The following SMCHD1 variants were observed in gnomAD, a reference collection of about 807,000 sequenced individuals.
The protein encoded by SMCHD1 is structural maintenance of chromosomes flexible hinge domain containing 1.
In SMCHD1, 78 loss-of-function variants were observed where a neutral mutation model predicts 254.7. The ratio of observed to expected loss-of-function variants is 0.31; its 90% CI spans 0.26 to 0.37. The LOEUF (loss-of-function observed/expected upper bound fraction) is 0.37. SMCHD1 is among the 10% of genes least tolerant of loss of function. The pLI is 1.00. For missense variants in SMCHD1, 1,840 were observed against 2,408.1 expected (o/e 0.76, Z 4.94); for synonymous variants, 766 against 794.9 (o/e 0.96, Z 0.61).
At chr18:2,684,979 T>G (rs1297551174) in intron 5 of SMCHD1, among the ~76,000 whole-genome samples, 1 of 152,108 alleles carries the variant, frequency 6.6e-6, no homozygotes, top group Non-Finnish European at 1.5e-5. Context: ...CTTTAAATAT[T>G]CATTTGCCTC....
Position 2,782,726 on chromosome 18 carries a change from C to A in SMCHD1, c.5548-1724C>A, listed in dbSNP as rs1039059240. ...TGCCACTGCACTCCAGCCTGGGCAACAGAGCGAGACCACAACTCAAAAAAA... is the reference window on the plus strand; with the variant it reads ...TGCCACTGCACTCCAGCCTGGGCAAAAGAGCGAGACCACAACTCAAAAAAA... On this transcript the variant is annotated intron_variant, in intron 44 of 47. Transcript: ENST00000320876. Among the ~76,000 whole-genome samples, 323 of 103,802 alleles carry A rather than the reference C, an allele frequency of 3.1e-3. 3 individuals carry two copies. Among genetic ancestry groups the A allele is most frequent in the African/African-American group, 0.012 (313 of 26,052 alleles). 68.1% of individuals were successfully genotyped at this position (103,802 alleles called of 152,430 possible).
chr18:2,732,533 T>A, intron 25 of SMCHD1, 41 bp downstream of exon 25: 1 of 1,331,402 alleles, frequency 7.5e-7, no homozygotes, highest in Non-Finnish European at 1.0e-6. Flanking sequence ...AAGAACTTTT[T>A]AAATTTTATG....
At position 2,707,862 on chromosome 18, in the gene SMCHD1, A is replaced by C; in HGVS notation, c.2202A>C (p.Pro734=). 1.2e-6 allele frequency: 2 copies of C among 1,609,856 alleles called. No homozygotes were observed. The highest frequency in any genetic ancestry group is 1.7e-6 in the Non-Finnish European group (2 of 1,178,116). Residue 734 remains proline, a synonymous_variant, in exon 17 of 48, where the codon CCA becomes CCC. Coordinates refer to ENST00000320876, the MANE Select transcript of SMCHD1 (RefSeq NM_015295.3). ...AAGGGGAAGCAATGCAAAAGCTTCC[A>C]GGAACAAGCCATGGAGGGTCAAAGA... ...NKKGEAMQKL[P]GTSHGGSKKL... is the part of the protein sequence containing the mutation.
intron 45 of SMCHD1, among the ~76,000 whole-genome samples, chr18:2,794,031 C>T (rs1287434931): frequency 6.6e-6 from 1 of 152,040 alleles, no homozygotes; most frequent in Middle Eastern, 3.2e-3. Flanking sequence ...TGTCCATTTC[C>T]ATGGATATTG....
At chr18:2,768,747 C>G (rs1351678931) in intron 37 of SMCHD1, among the ~76,000 whole-genome samples, 3 of 125,536 alleles carry the variant, frequency 2.4e-5, no homozygotes, top group African/African-American at 5.4e-5. Flanking sequence ...TATACATTCA[C>G]ATGAATTGAT....
chr18:2,698,069 A>G (rs1422076234), intron 10 of SMCHD1, 28 bp downstream of exon 10: 4 of 1,538,790 alleles, frequency 2.6e-6, no homozygotes, highest in Non-Finnish European at 3.6e-6. Context: ...CTTAGTTATA[A>G]AATATGAAGT....
At position 2,751,366 on chromosome 18, in the gene SMCHD1, T is replaced by G. The variant is rs879600498; in HGVS notation, c.4254T>G (p.Ser1418=). ...ARISMKMWKL[S]TSGNRPPANA... ...TTTCCATGAAAATGTGGAAGCTGTC[T>G]ACCAGTGGGAACCGACCCCCAGCAA... The change falls in exon 33 of 48, where the codon TCT becomes TCG. Residue 1418 remains serine, a synonymous_variant. Transcript: ENST00000320876. 1.3e-6 allele frequency: 2 copies of G among 1,576,456 alleles called. No homozygotes were observed. The highest frequency in any genetic ancestry group is 1.7e-6 in the Non-Finnish European group (2 of 1,166,912).
intron 5 of SMCHD1, among the ~76,000 whole-genome samples, chr18:2,677,181 C>G (rs1466108431): frequency 6.7e-6 from 1 of 149,154 alleles, no homozygotes; most frequent in East Asian, 1.9e-4. Context: ...TGAAATTCTA[C>G]AGGGAATACC....
chr18:2,702,751 T>C (rs2074431945), intron 12 of SMCHD1, among the ~76,000 whole-genome samples: 1 of 152,202 alleles, frequency 6.6e-6, no homozygotes, highest in African/African-American at 2.4e-5. Flanking sequence ...ATAACTAAGA[T>C]AGTATCCTTC....
intron 1 of SMCHD1, among the ~76,000 whole-genome samples, chr18:2,659,557 G>A (rs1465363909): frequency 6.6e-6 from 1 of 152,346 alleles, no homozygotes; most frequent in Non-Finnish European, 1.5e-5. Context: ...CAGAATCAAC[G>A]ATTAGAAGAT....
chr18:2,793,970 C>G (rs976045325), intron 45 of SMCHD1, among the ~76,000 whole-genome samples: 23 of 152,114 alleles, frequency 1.5e-4, no homozygotes, highest in Non-Finnish European at 5.9e-5. Context: ...ATTTCTTCCA[C>G]AGTTTTACTT....
intron 14 of SMCHD1, 39 bp from the exon 15 acceptor site, chr18:2,706,325 A>G: frequency 1.5e-6 from 2 of 1,363,746 alleles, no homozygotes; most frequent in African/African-American, 1.5e-5. Context: ...CTAGATTTAA[A>G]TAGTTTTCTT....
intron 45 of SMCHD1, among the ~76,000 whole-genome samples, chr18:2,791,701 C>T (rs548852972): frequency 1.3e-5 from 2 of 152,252 alleles, no homozygotes; most frequent in East Asian, 1.9e-4. Flanking sequence ...TTCCAGACTA[C>T]GTAAAACAGA....
chr18:2,794,449 T>C (rs1305301830), intron 45 of SMCHD1, among the ~76,000 whole-genome samples: 1 of 152,166 alleles, frequency 6.6e-6, no homozygotes, highest in Non-Finnish European at 1.5e-5. Flanking sequence ...GAGGCTGCAG[T>C]GAGCAGTGAT....
At chr18:2,693,563 A>T (rs927330982) in intron 7 of SMCHD1, among the ~76,000 whole-genome samples, 1 of 152,236 alleles carries the variant, frequency 6.6e-6, no homozygotes, top group Non-Finnish European at 1.5e-5. Flanking sequence ...CAAAAATGTT[A>T]TGTGACATAT....
chr18:2,804,062 T>C lies in SMCHD1; in HGVS notation c.*1510T>C, dbSNP rs1446478143. ...TAGGGATACTCACCCCGTACCAATA[T>C]TTGGAGTCCTTAGACATTAGATTAT... On this transcript the variant is annotated 3_prime_UTR_variant, in exon 48 of 48. Transcript: ENST00000320876. The C allele has an allele frequency of 6.6e-6, 1 of 152,202 alleles. No individual in the cohort carries two copies. The highest frequency in any genetic ancestry group is 2.4e-5 in the African/African-American group (1 of 41,454). The allele number at this position is 152,202 out of a possible 1,614,324, so 9.4% of individuals were successfully genotyped here.
chr18:2,803,219 A>AAATAT lies in SMCHD1; in HGVS notation c.*668_*669insATATA, dbSNP rs1297747877. 9.6e-6 allele frequency: 1 copy of AAATAT among 104,128 alleles called. No individual in the cohort carries two copies. The highest frequency in any genetic ancestry group is 2.3e-5 in the Non-Finnish European group (1 of 43,326). The allele number at this position is 104,128 out of a possible 1,614,324, so 6.5% of individuals were successfully genotyped here. On this transcript the variant is annotated 3_prime_UTR_variant, in exon 48 of 48. Coordinates refer to ENST00000320876, the MANE Select transcript of SMCHD1 (RefSeq NM_015295.3). ...GTGTGTATATATATATATATATATA[A>AAATAT]ATATATATATATAAAATATTCAGCA...
chr18:2,717,954 T>C (rs576522857), intron 17 of SMCHD1, among the ~76,000 whole-genome samples: 1 of 152,258 alleles, frequency 6.6e-6, no homozygotes, highest in Admixed American at 6.5e-5. Flanking sequence ...TTTATAAGAC[T>C]TGAAATAAAG....
chr18:2,784,131 GATAC>G (rs1212080330), intron 44 of SMCHD1, among the ~76,000 whole-genome samples: 1 of 152,146 alleles, frequency 6.6e-6, no homozygotes, highest in African/African-American at 2.4e-5. Context: ...ATGCTACCTT[GATAC>G]TTAACTGCCA....
Sources: allele counts gnomAD v4.1 joint callset (sites outside exome capture counted in the v4.1 genomes callset), GRCh38; gene constraint gnomAD v4.1.1; transcripts MANE v1.5; gene names NCBI Gene and HGNC (gene_info 2026-07-23, HGNC 2026-07-21).